AUTS2: variants seen among roughly 807,000 people sequenced by gnomAD.
AUTS2 encodes the protein activator of transcription and developmental regulator AUTS2.
In AUTS2, 17 loss-of-function variants were observed where a neutral mutation model predicts 112.4. That is an observed-to-expected ratio of 0.15 (90% CI 0.10 to 0.23). The LOEUF (loss-of-function observed/expected upper bound fraction) is 0.23. Among genes scored for constraint, AUTS2 ranks in the 10% least tolerant of loss-of-function variants. The pLI, the probability that AUTS2 is intolerant of heterozygous loss-of-function variation, is 1.00. For synonymous variants in AUTS2, 751 were observed against 702.7 expected, an observed-to-expected ratio of 1.07 and a Z score of -1.09; for missense variants, 1,510 against 1,701.6, an observed-to-expected ratio of 0.89 and a Z score of 1.98.
At chr7:70,098,337 T>G (rs1334576960) in intron 2 of AUTS2, among the ~76,000 whole-genome samples, 1 of 152,244 alleles carries the variant, frequency 6.6e-6, no homozygotes, top group Non-Finnish European at 1.5e-5. Flanking sequence ...ACTTGTTAAT[T>G]TACTTGTTAA....
At chr7:70,487,174 C>A (rs1798044345) in intron 5 of AUTS2, among the ~76,000 whole-genome samples, 1 of 152,112 alleles carries the variant, frequency 6.6e-6, no homozygotes, top group Non-Finnish European at 1.5e-5. Flanking sequence ...TTGAGTGACA[C>A]ATTTTGCCCT....
chr7:69,741,207 G>C (rs1787249131), intron 1 of AUTS2, among the ~76,000 whole-genome samples: 1 of 152,164 alleles, frequency 6.6e-6, no homozygotes, highest in Non-Finnish European at 1.5e-5. Flanking sequence ...TCTGAGAGCT[G>C]ATTGTATGCA....
At chr7:70,460,675 C>A (rs967190441) in intron 5 of AUTS2, among the ~76,000 whole-genome samples, 1 of 152,104 alleles carries the variant, frequency 6.6e-6, no homozygotes, top group Admixed American at 6.5e-5. Context: ...GTGGGGTCAG[C>A]TTCGGCTTCC....
intron 1 of AUTS2, among the ~76,000 whole-genome samples, chr7:69,713,222 C>T (rs1373531318): frequency 3.9e-5 from 6 of 152,086 alleles, no homozygotes; most frequent in Admixed American, 2.0e-4. Flanking sequence ...ATACATTTAT[C>T]GTTTCTTTGT....
chr7:69,607,600 T>G (rs1160010644), intron 1 of AUTS2, among the ~76,000 whole-genome samples: 1 of 152,220 alleles, frequency 6.6e-6, no homozygotes, highest in Non-Finnish European at 1.5e-5. Context: ...GAATTCTAGT[T>G]AGTTTGTTTG....
chr7:70,528,105 T>A lies in AUTS2; in HGVS notation c.690+92324T>A, dbSNP rs11765787. Among the ~76,000 whole-genome samples the A allele has an allele frequency of 9.6e-4, 108 of 112,752 alleles. 1 individual carries two copies. Among genetic ancestry groups the A allele is most frequent in the African/African-American group, 2.8e-3 (92 of 32,930 alleles). 74.0% of individuals were successfully genotyped at this position (112,752 alleles called of 152,430 possible). A position where few individuals can be genotyped will look rare whatever the true frequency, so the allele number is the denominator to read the frequency against. On this transcript the variant is annotated intron_variant, in intron 5 of 18. Coordinates refer to ENST00000342771, the MANE Select transcript of AUTS2 (RefSeq NM_015570.4). Reference sequence around the variant, plus strand: ...CTTAAATTTAAGGATTTTTTTTTTTTTTTTTTTTTTTTTTACTGGAGTGTT... The same window carrying A: ...CTTAAATTTAAGGATTTTTTTTTTTATTTTTTTTTTTTTTACTGGAGTGTT...
At position 70,339,536 on chromosome 7, in the gene AUTS2, A is replaced by G. The variant is rs756073241; in HGVS notation, c.661-96216A>G. Among the ~76,000 whole-genome samples, 24 of 152,210 alleles carry G rather than the reference A, an allele frequency of 1.6e-4. 1 individual carries two copies. Among genetic ancestry groups the G allele is most frequent in the Admixed American group, 1.5e-3 (23 of 15,286 alleles). On this transcript the variant is annotated intron_variant, in intron 4 of 18. Transcript: ENST00000342771. ...ATTGTATTAATAAGGATTATGAATT[A>G]ATGAAAACAAAAAGCTAGTCTAGCG...
chr7:70,019,400 C>A (rs750424309), intron 2 of AUTS2, among the ~76,000 whole-genome samples: 6 of 152,156 alleles, frequency 3.9e-5, no homozygotes, highest in African/African-American at 1.2e-4. Context: ...TCCACATAGA[C>A]CCCTGAACTT....
chr7:70,033,780 G>T (rs796730060), intron 2 of AUTS2, among the ~76,000 whole-genome samples: 2 of 152,118 alleles, frequency 1.3e-5, no homozygotes, highest in African/African-American at 4.8e-5. Flanking sequence ...CATAGAAGTA[G>T]AATATAACTG....
intron 2 of AUTS2, among the ~76,000 whole-genome samples, chr7:69,935,049 G>A (rs1326189250): frequency 1.3e-5 from 2 of 151,966 alleles, no homozygotes; most frequent in Non-Finnish European, 2.9e-5. Flanking sequence ...GATGTTGTTA[G>A]GCACCCACTA....
chr7:70,270,688 C>G (rs2129608879), intron 4 of AUTS2, among the ~76,000 whole-genome samples: 1 of 152,210 alleles, frequency 6.6e-6, no homozygotes, highest in East Asian at 1.9e-4. Flanking sequence ...GGGGACATAT[C>G]AAGTAGTGTT....
chr7:69,626,913 T>G (rs1174361375), intron 1 of AUTS2, among the ~76,000 whole-genome samples: 3 of 152,194 alleles, frequency 2.0e-5, no homozygotes, highest in Admixed American at 6.5e-5. Flanking sequence ...ATTAATGAAA[T>G]GTATTGCCTG....
intron 1 of AUTS2, among the ~76,000 whole-genome samples, chr7:69,797,641 G>A (rs1789905147): frequency 1.3e-5 from 2 of 152,196 alleles, no homozygotes; most frequent in African/African-American, 4.8e-5. Context: ...CTGCTCTCAT[G>A]TGGGCTCTTG....
intron 4 of AUTS2, among the ~76,000 whole-genome samples, chr7:70,259,239 G>A (rs1372010608): frequency 6.6e-6 from 1 of 151,350 alleles, no homozygotes; most frequent in Non-Finnish European, 1.5e-5. Context: ...TTCCTGACAG[G>A]TATGACCTCT....
intron 6 of AUTS2, among the ~76,000 whole-genome samples, chr7:70,743,032 A>G (rs766989597): frequency 6.6e-6 from 1 of 152,234 alleles, no homozygotes; most frequent in African/African-American, 2.4e-5. Flanking sequence ...GCAAAATTGT[A>G]TCATAGAAGG....
intron 1 of AUTS2, among the ~76,000 whole-genome samples, chr7:69,739,123 A>G (rs1787158884): frequency 6.6e-6 from 1 of 152,094 alleles, no homozygotes; most frequent in South Asian, 2.1e-4. Context: ...ACCAATCTTC[A>G]GGGGGTGGGA....
chr7:70,384,750 A>G (rs1358512980), intron 4 of AUTS2, among the ~76,000 whole-genome samples: 1 of 152,220 alleles, frequency 6.6e-6, no homozygotes, highest in Non-Finnish European at 1.5e-5. Flanking sequence ...AAAGGGATCT[A>G]GAGTTTGTTT....
At chr7:70,782,079 G>A (rs1791127082) in intron 15 of AUTS2, 1 of 295,248 alleles carries the variant, frequency 3.4e-6, no homozygotes, top group Admixed American at 5.1e-5. Context: ...GGCTTGCAAG[G>A]GCAGATCGGA....
chr7:69,616,221 G>C (rs1793366221), intron 1 of AUTS2, among the ~76,000 whole-genome samples: 1 of 152,106 alleles, frequency 6.6e-6, no homozygotes, highest in Non-Finnish European at 1.5e-5. Context: ...CCCAAAGCAG[G>C]CTAAGCCAGG....
Sources: allele counts gnomAD v4.1 joint callset (sites outside exome capture counted in the v4.1 genomes callset), GRCh38; gene constraint gnomAD v4.1.1; transcripts MANE v1.5; gene names NCBI Gene and HGNC (gene_info 2026-07-23, HGNC 2026-07-21).